Variants in PPEF2 observed in about 807,000 individuals in gnomAD.
The protein encoded by PPEF2 is serine/threonine-protein phosphatase with EF-hands 2.
Under a neutral mutation model 84.7 loss-of-function variants are expected in PPEF2, and 84 were observed. The observed-to-expected ratio is 0.99, with a 90% CI of 0.83 to 1.19. The LOEUF is 1.19. PPEF2 is among the 50% of genes most tolerant of loss of function. PPEF2 has a pLI of 0.00. For synonymous variants in PPEF2, 346 were observed against 345.2 expected, an observed-to-expected ratio of 1.00 and a Z score of -0.03; for missense variants, 924 against 937.5, an observed-to-expected ratio of 0.99 and a Z score of 0.19.
rs556862706 is a variant in PPEF2, at chr4:75,866,278, T to G, written c.1831A>C (p.Arg611=). Reference sequence around the variant, plus strand: ...GCTGAGCTGTTCACCAGCTGTGGCCTCAGCATCCGCCATGGCAGTCCTAGG... The same window carrying G: ...GCTGAGCTGTTCACCAGCTGTGGCCGCAGCATCCGCCATGGCAGTCCTAGG... ...LHLGLPWRML[R]PQLVNSSADN... The change falls in exon 15 of 17, where the codon AGG becomes CGG. Residue 611 remains arginine (R), a synonymous_variant. Coordinates refer to ENST00000286719, the MANE Select transcript of PPEF2 (RefSeq NM_006239.3). 6.2e-7 allele frequency: 1 copy of G among 1,614,152 alleles called. No individual in the cohort carries two copies. The highest frequency in any genetic ancestry group is 1.3e-5 in the African/African-American group (1 of 75,048).
intron 7 of PPEF2, 48 bp from the exon 8 acceptor site, chr4:75,884,808 A>C: frequency 6.8e-7 from 1 of 1,469,410 alleles, no homozygotes; most frequent in Non-Finnish European, 9.2e-7. Context: ...GGAAGGAAAT[A>C]GGAAATCAGG....
At chr4:75,901,757 C>T (rs530184658) in intron 1 of PPEF2, among the ~76,000 whole-genome samples, 1 of 152,264 alleles carries the variant, frequency 6.6e-6, no homozygotes, top group Non-Finnish European at 1.5e-5. Context: ...ACCCCTTCTC[C>T]TTCTAGAATT....
intron 12 of PPEF2, 96 bp downstream of exon 12, chr4:75,873,031 T>G: frequency 8.2e-7 from 1 of 1,218,772 alleles, no homozygotes; most frequent in Non-Finnish European, 1.2e-6. Context: ...GGTCTGTAGG[T>G]TGTTAGAAAC....
At chr4:75,877,039 A>AAGG (rs1724442810) in intron 10 of PPEF2, among the ~76,000 whole-genome samples, 1 of 135,626 alleles carries the variant, frequency 7.4e-6, no homozygotes, top group African/African-American at 2.8e-5. Context: ...AGAAAGAAAG[A>AAGG]AAAGAAACAG....
intron 5 of PPEF2, among the ~76,000 whole-genome samples, chr4:75,888,784 C>G (rs1293492748): frequency 2.0e-5 from 3 of 152,234 alleles, no homozygotes; most frequent in Non-Finnish European, 1.5e-5. Context: ...CTCGCTACCT[C>G]TACCCTACCA....
intron 1 of PPEF2, among the ~76,000 whole-genome samples, 192 bp from the exon 2 acceptor site, chr4:75,896,575 CT>C (rs1474843418): frequency 1.3e-5 from 2 of 152,172 alleles, no homozygotes; most frequent in African/African-American, 4.8e-5. Flanking sequence ...TTTCCACTGC[CT>C]TTTCCTTTCA....
In PPEF2 at chr4:75,867,439, G is replaced by A; in HGVS notation, c.1650-20C>T. On this transcript the variant is annotated intron_variant, in intron 13 of 16. Transcript: ENST00000286719. ...CTAATCCTGGGACAGGAGATGAAAAGCGACATTTTAACACACTGGTATAGA... is the reference window on the plus strand; with the variant it reads ...CTAATCCTGGGACAGGAGATGAAAAACGACATTTTAACACACTGGTATAGA... The A allele has an allele frequency of 1.3e-6, 2 of 1,559,152 alleles. No homozygotes were observed. Among genetic ancestry groups the A allele is most frequent in the Non-Finnish European group, 1.8e-6 (2 of 1,133,128 alleles).
Position 75,884,593 on chromosome 4 carries a change from C to T in PPEF2, c.746+1G>A. The T allele has an allele frequency of 6.3e-7, 1 of 1,590,836 alleles. No homozygotes were observed. Among genetic ancestry groups the T allele is most frequent in the Non-Finnish European group, 8.5e-7 (1 of 1,172,740 alleles). On this transcript the variant is annotated splice_donor_variant, in intron 8 of 16. Transcript: ENST00000286719. LOFTEE classifies it high-confidence loss of function. ...ATACTCAAGCATGTTTTGACTTGTA[C>T]CGTAAGTTCACCATATGGTCCTCAT...
intron 4 of PPEF2, among the ~76,000 whole-genome samples, chr4:75,890,513 C>G (rs919884391): frequency 4.0e-5 from 6 of 148,716 alleles, no homozygotes; most frequent in African/African-American, 1.5e-4. Context: ...AAAGTCCTTC[C>G]CTGGACTATT....
chr4:75,865,229 G>A (rs556104969), intron 15 of PPEF2, among the ~76,000 whole-genome samples: 4 of 151,326 alleles, frequency 2.6e-5, no homozygotes, highest in East Asian at 2.0e-4. Context: ...GAGCCACCGC[G>A]CCTGGTTGCC....
intron 12 of PPEF2, among the ~76,000 whole-genome samples, chr4:75,872,384 T>A (rs1287106457): frequency 6.6e-6 from 1 of 152,196 alleles, no homozygotes; most frequent in Non-Finnish European, 1.5e-5. Flanking sequence ...ATTCCGATAG[T>A]TTCACAATGT....
In PPEF2 at chr4:75,890,087, T is replaced by C. The variant is rs200102863; in HGVS notation, c.287A>G (p.Asp96Gly). 195 of 1,613,786 alleles carry C rather than the reference T, an allele frequency of 1.2e-4. No homozygotes were observed. The highest frequency in any genetic ancestry group is 1.6e-4 in the Non-Finnish European group (188 of 1,179,948). The change falls in exon 5 of 17, where the codon GAC (aspartate) becomes GGC (glycine). Residue 96 changes from aspartate to glycine, a missense_variant. Physicochemically the swap from Asp to Gly is moderately conservative, Grantham distance 94 (BLOSUM62 -1). Coordinates refer to ENST00000286719, the MANE Select transcript of PPEF2 (RefSeq NM_006239.3). ...RIFTEDRFAQ[D>G]SEMKKCSDYE... ...GTCACTGCATTTCTTCATCTCGGAG[T>C]CCTGGGCGAATCTGTCCTCAGTGAA...
chr4:75,871,417 G>C (rs1199184626), intron 13 of PPEF2, among the ~76,000 whole-genome samples: 1 of 152,122 alleles, frequency 6.6e-6, no homozygotes, highest in Non-Finnish European at 1.5e-5. Flanking sequence ...TAGTGGTTTA[G>C]TAAGCAGACT....
At chr4:75,885,774 G>T (rs1028079051) in intron 7 of PPEF2, among the ~76,000 whole-genome samples, 6 of 152,108 alleles carry the variant, frequency 3.9e-5, no homozygotes, top group African/African-American at 1.2e-4. Flanking sequence ...ACTTTGGGAG[G>T]CTGAGGCAGG....
At chr4:75,872,876 C>T (rs1724318122) in intron 12 of PPEF2, among the ~76,000 whole-genome samples, 1 of 152,296 alleles carries the variant, frequency 6.6e-6, no homozygotes, top group Admixed American at 6.5e-5. Context: ...CCTCATATTT[C>T]CATTCATAAA....
chr4:75,876,740 C>T (rs1724428502), intron 10 of PPEF2, 67 bp from the exon 11 acceptor site: 9 of 1,470,700 alleles, frequency 6.1e-6, no homozygotes, highest in Middle Eastern at 1.9e-4. Context: ...GTGTGGTGGC[C>T]CACTCCTGTA....
intron 7 of PPEF2, among the ~76,000 whole-genome samples, chr4:75,886,226 C>T (rs1164334474): frequency 6.6e-6 from 1 of 152,188 alleles, no homozygotes; most frequent in Non-Finnish European, 1.5e-5. Flanking sequence ...CAGGGCAGCG[C>T]TGCAGGGCCT....
At chr4:75,880,004 C>A (rs1263150201) in intron 10 of PPEF2, among the ~76,000 whole-genome samples, 1 of 151,766 alleles carries the variant, frequency 6.6e-6, no homozygotes, top group Non-Finnish European at 1.5e-5. Flanking sequence ...AATTTTTGTA[C>A]TTTTAGTAGA....
intron 13 of PPEF2, among the ~76,000 whole-genome samples, chr4:75,869,584 C>A (rs1412012029): frequency 6.6e-6 from 1 of 152,180 alleles, no homozygotes; most frequent in African/African-American, 2.4e-5. Flanking sequence ...TGGTGGCTCG[C>A]ACCTGTAATC....
Sources: gnomAD v4.1 joint callset for allele counts (sites outside exome capture counted in the v4.1 genomes callset) on GRCh38, gnomAD v4.1.1 for gene constraint, MANE v1.5 for transcripts, NCBI Gene and HGNC (gene_info 2026-07-23, HGNC 2026-07-21) for gene names.